Variants in TMTC2 observed in about 807,000 individuals in gnomAD.
TMTC2 encodes protein O-mannosyl-transferase TMTC2.
TMTC2 carries 43 observed loss-of-function variants against 82.4 expected under a neutral mutation model. The ratio of observed to expected loss-of-function variants is 0.52; its 90% CI spans 0.41 to 0.67. The LOEUF (loss-of-function observed/expected upper bound fraction) is 0.67. Ranked by LOEUF, TMTC2 falls within the 30% of genes least tolerant of loss-of-function variation. The probability of loss-of-function intolerance (pLI) is 0.00; values close to 1 mark genes in which losing one functional copy is unlikely to be tolerated. For missense variants in TMTC2, 919 were observed against 1,012.4 expected (o/e 0.91, Z 1.25); for synonymous variants, 408 against 381.9 (o/e 1.07, Z -0.80).
At chr12:82,769,457 C>G (rs981489624) in intron 1 of TMTC2, among the ~76,000 whole-genome samples, 1 of 150,760 alleles carries the variant, frequency 6.6e-6, no homozygotes, top group African/African-American at 2.4e-5. Context: ...GCTTGGGTGA[C>G]AGAGTGAGAC....
At chr12:82,905,987 T>C (rs1020026285) in intron 3 of TMTC2, among the ~76,000 whole-genome samples, 1 of 151,332 alleles carries the variant, frequency 6.6e-6, no homozygotes, top group Admixed American at 6.6e-5. Flanking sequence ...AGAGTCAAAA[T>C]TGTTTCAATT....
At chr12:82,787,179 T>G (rs1297097306) in intron 1 of TMTC2, among the ~76,000 whole-genome samples, 1 of 152,138 alleles carries the variant, frequency 6.6e-6, no homozygotes, top group African/African-American at 2.4e-5. Flanking sequence ...GTTTTTATCA[T>G]TTTCTATCTT....
In TMTC2 at chr12:83,074,788, A is replaced by G. The variant is rs958923730; in HGVS notation, c.2331+12957A>G. ...CTTGAAAACTTGCCCCAGGCTACCCACCTCCCAGCTGTGAAGGAAAAGGTT... is the reference window on the plus strand; with the variant it reads ...CTTGAAAACTTGCCCCAGGCTACCCGCCTCCCAGCTGTGAAGGAAAAGGTT... On this transcript the variant is annotated intron_variant, in intron 11 of 11. Coordinates refer to ENST00000321196, the MANE Select transcript of TMTC2 (RefSeq NM_152588.3). 3.3e-5 allele frequency among the ~76,000 whole-genome samples: 5 copies of G among 150,754 alleles called. No individual in the cohort carries two copies. The South Asian group carries it at 1.1e-3, about 32-fold the overall frequency.
intron 8 of TMTC2, among the ~76,000 whole-genome samples, chr12:83,026,908 A>C (rs916920468): frequency 7.2e-5 from 11 of 152,112 alleles, no homozygotes. Flanking sequence ...CAATTAGCTT[A>C]ATACTGATCC....
At chr12:83,088,450 TC>T (rs369016797) in intron 11 of TMTC2, among the ~76,000 whole-genome samples, 1 of 152,246 alleles carries the variant, frequency 6.6e-6, no homozygotes, top group Admixed American at 6.5e-5. Flanking sequence ...TGATAGGCCT[TC>T]CTCACTGAGC....
At chr12:82,958,558 A>T (rs991647727) in intron 4 of TMTC2, among the ~76,000 whole-genome samples, 4 of 152,118 alleles carry the variant, frequency 2.6e-5, no homozygotes, top group Admixed American at 6.6e-5. Context: ...GATTCGCCAC[A>T]TAAGTAAAAT....
chr12:82,980,082 A>G (rs909620490), intron 7 of TMTC2, among the ~76,000 whole-genome samples: 16 of 151,832 alleles, frequency 1.1e-4, no homozygotes, highest in Non-Finnish European at 1.6e-4. Flanking sequence ...TTGATGTTCT[A>G]TAACCGTCTT....
intron 9 of TMTC2, among the ~76,000 whole-genome samples, chr12:83,039,818 C>G (rs1217436134): frequency 6.6e-6 from 1 of 152,146 alleles, no homozygotes; most frequent in Non-Finnish European, 1.5e-5. Context: ...TTTATTATAG[C>G]TCTTCCAAAA....
At chr12:83,054,778 A>G (rs979181189) in intron 10 of TMTC2, among the ~76,000 whole-genome samples, 3 of 151,824 alleles carry the variant, frequency 2.0e-5, no homozygotes, top group South Asian at 2.1e-4. Flanking sequence ...AGCATAGAGT[A>G]GATAAAGAAT....
At chr12:82,862,157 G>C (rs376139890) in intron 2 of TMTC2, among the ~76,000 whole-genome samples, 1 of 152,120 alleles carries the variant, frequency 6.6e-6, no homozygotes, top group Non-Finnish European at 1.5e-5. Context: ...AATAAGGGGG[G>C]AAAAGCCCTT....
chr12:82,778,291 T>A lies in TMTC2; in HGVS notation c.84-78719T>A, dbSNP rs533728458. Among the ~76,000 whole-genome samples, 412 of 152,298 alleles carry A rather than the reference T, an allele frequency of 2.7e-3. 3 individuals carry two copies. The highest frequency in any genetic ancestry group is 0.014 in the South Asian group (67 of 4,830). On this transcript the variant is annotated intron_variant, in intron 1 of 11. Coordinates refer to ENST00000321196, the MANE Select transcript of TMTC2 (RefSeq NM_152588.3). The stretch of plus-strand genomic sequence containing the variant: ...AGAAGCAAATAATTTATTATTTTTT[T>A]AAATATTGAACATTTTACATCTGTC...
chr12:82,990,765 G>C (rs1879365026), intron 8 of TMTC2, among the ~76,000 whole-genome samples: 2 of 151,942 alleles, frequency 1.3e-5, no homozygotes, highest in African/African-American at 4.8e-5. Context: ...TCCTTTATAA[G>C]TTATTTAAGG....
chr12:82,841,338 G>A (rs1870324636), intron 1 of TMTC2, among the ~76,000 whole-genome samples: 3 of 152,202 alleles, frequency 2.0e-5, no homozygotes, highest in Admixed American at 2.0e-4. Context: ...ATATTAGGAT[G>A]TCAGTAAATT....
chr12:82,875,280 A>C (rs2137143551), intron 2 of TMTC2, among the ~76,000 whole-genome samples: 1 of 152,230 alleles, frequency 6.6e-6, no homozygotes, highest in Admixed American at 6.5e-5. Flanking sequence ...AGGGACTTTT[A>C]TGTTCATTTT....
chr12:82,917,042 T>G (rs767648352), intron 3 of TMTC2, among the ~76,000 whole-genome samples: 8 of 152,178 alleles, frequency 5.3e-5, no homozygotes, highest in Non-Finnish European at 1.0e-4. Context: ...AATAAATTCC[T>G]GTAGGCTTAC....
chr12:82,713,926 T>A (rs1873768402), intron 1 of TMTC2, among the ~76,000 whole-genome samples: 1 of 152,200 alleles, frequency 6.6e-6, no homozygotes, highest in East Asian at 1.9e-4. Context: ...AATACTTAAT[T>A]CATTTATTGT....
chr12:82,708,137 A>G (rs998324103), intron 1 of TMTC2, among the ~76,000 whole-genome samples: 9 of 152,222 alleles, frequency 5.9e-5, no homozygotes, highest in African/African-American at 1.7e-4. Context: ...TAGTTGTGAC[A>G]GAGACCTTGG....
At chr12:83,120,215 G>A (rs12306199) in intron 11 of TMTC2, among the ~76,000 whole-genome samples, 9,963 of 151,998 alleles carry the variant, frequency 0.066, 521 homozygotes, top group African/African-American at 0.13. Context: ...TTTTGTTTTT[G>A]CTGTTTAACT....
chr12:83,039,016 C>T (rs453843), intron 9 of TMTC2, among the ~76,000 whole-genome samples: 45,507 of 148,356 alleles, frequency 0.31, 7,008 homozygotes, highest in East Asian at 0.46. Flanking sequence ...TCTGCAACCT[C>T]TGCCCCCCGG....
Sources: gnomAD v4.1 joint callset for allele counts (sites outside exome capture counted in the v4.1 genomes callset) on GRCh38, gnomAD v4.1.1 for gene constraint, MANE v1.5 for transcripts, NCBI Gene and HGNC (gene_info 2026-07-23, HGNC 2026-07-21) for gene names.